The following MAP4 variants were observed in gnomAD, a reference collection of about 807,000 sequenced individuals.
MAP4 encodes the protein microtubule-associated protein 4.
Under a neutral mutation model 170.2 loss-of-function variants are expected in MAP4, and 76 were observed. The observed-to-expected ratio is 0.45, with a 90% CI of 0.37 to 0.54. The LOEUF (loss-of-function observed/expected upper bound fraction) is 0.54, where lower values mean the gene tolerates loss of function less well. Among genes scored for constraint, MAP4 ranks in the 20% least tolerant of loss-of-function variants. MAP4 has a pLI of 0.00. For synonymous variants in MAP4, 909 were observed against 994.5 expected (o/e 0.91, Z 1.62); for missense variants, 2,506 against 2,748.0 (o/e 0.91, Z 1.97).
At chr3:47,899,225 C>T (rs927984972) in intron 10 of MAP4, among the ~76,000 whole-genome samples, 2 of 152,188 alleles carry the variant, frequency 1.3e-5, no homozygotes, top group Non-Finnish European at 2.9e-5. Context: ...ATTCAGCTGC[C>T]ACTGGGATTC....
chr3:47,909,080 T>C lies in MAP4; in HGVS notation c.5341A>G (p.Thr1781Ala), dbSNP rs539847026. The change falls in exon 9 of 21, where the codon ACA becomes GCA. Residue 1781 changes from threonine (T) to alanine (A), a missense_variant. Thr to Ala is a moderately conservative substitution (Grantham distance 58). This residue lies in a region of MAP4 where 2,008 missense variants were observed against 2,206.0 expected (regional missense o/e 0.91). Transcript: ENST00000683076. ...TTATGTCTCTCTTGTTCCTGGATTG[T>C]AGACTTTGGCAAAAGTGGAGTAAGT... Reference protein sequence around the residue: ...RGLTPLLPKSTIQEQERHKQL... With the variant: ...RGLTPLLPKSAIQEQERHKQL... 3 of 1,614,020 alleles carry C rather than the reference T, an allele frequency of 1.9e-6. No homozygotes were observed. Among genetic ancestry groups the C allele is most frequent in the African/African-American group, 2.7e-5 (2 of 75,062 alleles).
chr3:48,053,383 TCTC>T (rs1361295919), intron 1 of MAP4, among the ~76,000 whole-genome samples: 1 of 152,128 alleles, frequency 6.6e-6, no homozygotes, highest in Non-Finnish European at 1.5e-5. Context: ...ACTGCTAGTA[TCTC>T]CTATTTCCTC....
At position 47,911,546 on chromosome 3, in the gene MAP4, C is replaced by T; in HGVS notation, c.2875G>A (p.Val959Ile). Residue 959 changes from valine to isoleucine, a missense_variant, in exon 9 of 21, where the codon GTA becomes ATA. Around this residue, in one of 3 missense-constraint regions of MAP4, gnomAD observed 2,008 missense variants for 2,206.0 expected, o/e 0.91. Coordinates refer to ENST00000683076, the MANE Select transcript of MAP4 (RefSeq NM_001385682.1). The surrounding 1 kb of genome is among the most constrained non-coding windows in gnomAD (Gnocchi z 4.0). ...SPFLDQEVMG[V>I]VSKPTAAKEI... ...TTTGCTGCTGTGGGTTTTGAAACTA[C>T]ACCCATAACCTCTTGGTCCAAGAAA... 1.3e-6 allele frequency: 2 copies of T among 1,536,018 alleles called. No individual in the cohort carries two copies. The highest frequency in any genetic ancestry group is 1.4e-5 in the African/African-American group (1 of 73,142).
At chr3:47,864,544 G>A (rs1247015241) in intron 17 of MAP4, among the ~76,000 whole-genome samples, 2 of 152,150 alleles carry the variant, frequency 1.3e-5, no homozygotes, top group African/African-American at 4.8e-5. Flanking sequence ...GGGCATTGTG[G>A]CGGGCGCCTG....
chr3:47,934,958 A>T (rs1035917980), intron 3 of MAP4, among the ~76,000 whole-genome samples: 2 of 152,252 alleles, frequency 1.3e-5, no homozygotes, highest in African/African-American at 4.8e-5. Flanking sequence ...ACGAAAACAC[A>T]GAAGCAAGTA....
chr3:47,997,325 C>CAAAAAAAAAAAAAAAAAAAAAAAAAAA (rs1559754149), intron 2 of MAP4, among the ~76,000 whole-genome samples: 2 of 40,710 alleles, frequency 4.9e-5, no homozygotes, highest in Non-Finnish European at 8.2e-5. Flanking sequence ...ATTTAAACTG[C>CAAAAAAAAAAAAAAAAAAAAAAAAAAA]TAAAAAAAAA....
At chr3:47,899,288 A>C (rs1489264140) in intron 10 of MAP4, among the ~76,000 whole-genome samples, 2 of 152,218 alleles carry the variant, frequency 1.3e-5, no homozygotes, top group African/African-American at 4.8e-5. Flanking sequence ...TGTCCCAGCT[A>C]ATCACCACAC....
chr3:48,014,159 GAATT>G (rs2154445442), intron 1 of MAP4, among the ~76,000 whole-genome samples: 1 of 152,250 alleles, frequency 6.6e-6, no homozygotes, highest in South Asian at 2.1e-4. Context: ...ACAAACTCTG[GAATT>G]AATTACTGTA....
Position 48,058,303 on chromosome 3 carries a change from G to A in MAP4, c.-20+30470C>T, listed in dbSNP as rs1032933103. 2.6e-5 allele frequency among the ~76,000 whole-genome samples: 4 copies of A among 152,144 alleles called. No individual in the cohort carries two copies. In the South Asian group the frequency reaches 8.3e-4, roughly 31 times the overall value. On this transcript the variant is annotated intron_variant, in intron 1 of 18. Transcript: ENST00000360240. ...AGAGAGGGAGGGAGGCCAGTAGGCCGGCTGGCCAGCCTGCGAGGCTTAAAA... is the reference window on the plus strand; with the variant it reads ...AGAGAGGGAGGGAGGCCAGTAGGCCAGCTGGCCAGCCTGCGAGGCTTAAAA...
chr3:47,977,076 A>C (rs983146351), intron 3 of MAP4, among the ~76,000 whole-genome samples: 3 of 152,228 alleles, frequency 2.0e-5, no homozygotes, highest in Non-Finnish European at 4.4e-5. Context: ...TTAAGAGCAC[A>C]CTTGCAGGAA....
chr3:47,874,721 T>C (rs934869526), intron 12 of MAP4, among the ~76,000 whole-genome samples: 5 of 152,126 alleles, frequency 3.3e-5, no homozygotes, highest in Admixed American at 1.3e-4. Context: ...ACTGGATAAA[T>C]GAGGATCAGA....
At chr3:47,941,242 A>C (rs2154006335) in intron 3 of MAP4, among the ~76,000 whole-genome samples, 1 of 150,688 alleles carries the variant, frequency 6.6e-6, no homozygotes, top group Admixed American at 6.6e-5. Flanking sequence ...AAAAAAAAAA[A>C]AAAAAGGAAG....
chr3:48,033,649 T>C (rs944783709), intron 1 of MAP4, among the ~76,000 whole-genome samples: 4 of 152,102 alleles, frequency 2.6e-5, no homozygotes, highest in Non-Finnish European at 5.9e-5. Context: ...CACCCAGGCT[T>C]GAGTGCAGTG....
intron 1 of MAP4, among the ~76,000 whole-genome samples, chr3:48,061,761 G>A (rs1449770878): frequency 7.4e-5 from 9 of 122,326 alleles, no homozygotes; most frequent in African/African-American, 1.2e-4. Context: ...GGCAGCCCCC[G>A]CCCGGCCAGC....
At chr3:47,915,626 C>T (rs963791564) in intron 7 of MAP4, among the ~76,000 whole-genome samples, 2 of 152,038 alleles carry the variant, frequency 1.3e-5, no homozygotes, top group Non-Finnish European at 1.5e-5. Flanking sequence ...CTTATAAAAA[C>T]GGGAACTTTC....
At chr3:48,038,373 A>C (rs2100119897) in intron 1 of MAP4, among the ~76,000 whole-genome samples, 1 of 151,830 alleles carries the variant, frequency 6.6e-6, no homozygotes, top group Non-Finnish European at 1.5e-5. Context: ...AATTTATATT[A>C]TGATCCATAT....
At chr3:47,939,816 TG>T (rs1224508330) in intron 3 of MAP4, among the ~76,000 whole-genome samples, 1 of 151,922 alleles carries the variant, frequency 6.6e-6, no homozygotes, top group Non-Finnish European at 1.5e-5. Flanking sequence ...CATGAAAGTC[TG>T]TTTTTTGTTG....
intron 1 of MAP4, among the ~76,000 whole-genome samples, chr3:48,057,243 CT>C (rs2154555219): frequency 7.2e-6 from 1 of 139,398 alleles, no homozygotes; most frequent in East Asian, 2.2e-4. Flanking sequence ...ACATGGGAGA[CT>C]TTTCATTTTG....
intron 18 of MAP4, among the ~76,000 whole-genome samples, chr3:47,856,665 G>T (rs959551635): frequency 1.3e-5 from 2 of 152,212 alleles, no homozygotes; most frequent in African/African-American, 2.4e-5. Flanking sequence ...GACCTCAAGT[G>T]ATCCGCCCGC....
Sources: gnomAD v4.1 joint callset for allele counts (sites outside exome capture counted in the v4.1 genomes callset) on GRCh38, gnomAD v4.1.1 for gene constraint, gnomAD v4.1.1 regional missense constraint, Gnocchi (gnomAD v3.1) non-coding constraint, MANE v1.5 for transcripts, NCBI Gene and HGNC (gene_info 2026-07-23, HGNC 2026-07-21) for gene names.